Variants in SCUBE1 observed in about 807,000 individuals in gnomAD.
The protein encoded by SCUBE1 is signal peptide, CUB domain and EGF like domain containing 1, also known as signal peptide, CUB and EGF-like domain-containing protein 1.
Under a neutral mutation model 124.4 loss-of-function variants are expected in SCUBE1, and 59 were observed. The ratio of observed to expected loss-of-function variants is 0.47; its 90% CI spans 0.38 to 0.59. SCUBE1 has a LOEUF of 0.59. SCUBE1 is among the 20% of genes least tolerant of loss of function. The probability of loss-of-function intolerance (pLI) is 0.00; values close to 1 mark genes in which losing one functional copy is unlikely to be tolerated. For missense variants in SCUBE1, 1,150 were observed against 1,371.2 expected (o/e 0.84, Z 2.55); for synonymous variants, 545 against 550.9 (o/e 0.99, Z 0.15).
At chr22:43,263,519 G>A (rs939905356) in intron 4 of SCUBE1, among the ~76,000 whole-genome samples, 1 of 152,136 alleles carries the variant, frequency 6.6e-6, no homozygotes, top group Non-Finnish European at 1.5e-5. Flanking sequence ...CTCGGGGAGC[G>A]GCAGTGAAGG....
chr22:43,330,107 C>T (rs1381470456), intron 2 of SCUBE1, among the ~76,000 whole-genome samples: 1 of 151,820 alleles, frequency 6.6e-6, no homozygotes, highest in South Asian at 2.1e-4. Flanking sequence ...GCCTTCAACA[C>T]ATTCTCACAG....
chr22:43,244,671 C>T (rs922014913), intron 6 of SCUBE1, among the ~76,000 whole-genome samples: 6 of 152,174 alleles, frequency 3.9e-5, no homozygotes, highest in African/African-American at 7.2e-5. Flanking sequence ...TGCCAGCACA[C>T]GGGGGGACTG....
intron 4 of SCUBE1, among the ~76,000 whole-genome samples, chr22:43,266,203 C>T (rs1453042932): frequency 2.0e-5 from 3 of 152,292 alleles, no homozygotes; most frequent in South Asian, 2.1e-4. Flanking sequence ...CAGTCAGGCC[C>T]GCGCGAGCCA....
chr22:43,312,354 G>T (rs1926200213), intron 3 of SCUBE1, among the ~76,000 whole-genome samples: 1 of 152,188 alleles, frequency 6.6e-6, no homozygotes. Context: ...TTTGGTTGGG[G>T]CTTGAAGGAT....
intron 4 of SCUBE1, among the ~76,000 whole-genome samples, chr22:43,264,606 G>A (rs527848996): frequency 2.0e-5 from 3 of 152,324 alleles, no homozygotes; most frequent in East Asian, 1.9e-4. Flanking sequence ...CCATCTCCCT[G>A]ACCGTTACTG....
chr22:43,279,225 T>G (rs897845158), intron 4 of SCUBE1, among the ~76,000 whole-genome samples: 4 of 152,130 alleles, frequency 2.6e-5, no homozygotes, highest in African/African-American at 9.7e-5. Flanking sequence ...TCAGGTAACC[T>G]TTGTCAAGGA....
intron 1 of SCUBE1, among the ~76,000 whole-genome samples, chr22:43,342,088 C>T (rs1033866659): frequency 6.6e-6 from 1 of 152,058 alleles, no homozygotes; most frequent in Non-Finnish European, 1.5e-5. Context: ...ATAGACCCTA[C>T]GCCACCCATA....
intron 15 of SCUBE1, among the ~76,000 whole-genome samples, chr22:43,217,538 A>C (rs914318513): frequency 2.0e-5 from 3 of 152,052 alleles, no homozygotes; most frequent in African/African-American, 4.8e-5. Flanking sequence ...TTCCCGTAAG[A>C]GCGCGCATGA....
chr22:43,247,281 C>A (rs61357760), intron 6 of SCUBE1, among the ~76,000 whole-genome samples: 13,875 of 152,286 alleles, frequency 0.091, 657 homozygotes, highest in South Asian at 0.16. Flanking sequence ...TAGAAGCCAT[C>A]TCTGTAAATG....
intron 4 of SCUBE1, among the ~76,000 whole-genome samples, chr22:43,269,272 C>G (rs1239117571): frequency 6.6e-6 from 1 of 152,156 alleles, no homozygotes; most frequent in African/African-American, 2.4e-5. Flanking sequence ...CGGGGCCTAT[C>G]TTCCCCCAAG....
chr22:43,270,485 A>G (rs919115971), intron 4 of SCUBE1: 1 of 152,200 alleles, frequency 6.6e-6, no homozygotes, highest in African/African-American at 2.4e-5. Context: ...GGCCGTCTCC[A>G]ACGACAGCTT....
chr22:43,219,728 C>CTCAG (rs2146666722), intron 14 of SCUBE1, among the ~76,000 whole-genome samples: 1 of 152,052 alleles, frequency 6.6e-6, no homozygotes, highest in Non-Finnish European at 1.5e-5. Context: ...CCCACTTTGG[C>CTCAG]CCTCCCAGAC....
intron 2 of SCUBE1, among the ~76,000 whole-genome samples, chr22:43,337,245 G>A (rs1214028711): frequency 6.6e-6 from 1 of 152,174 alleles, no homozygotes; most frequent in African/African-American, 2.4e-5. Flanking sequence ...GTCAAGCAGA[G>A]TAAGGAGTTA....
intron 4 of SCUBE1, among the ~76,000 whole-genome samples, chr22:43,281,587 T>TCACAGCCACCCTCCTGTCACCTCCTC (rs1569011199): frequency 3.1e-5 from 2 of 64,870 alleles, no homozygotes; most frequent in Non-Finnish European, 5.9e-5. Context: ...TCACCTCCCT[T>TCACAGCCACCCTCCTGTCACCTCCTC]CTCAGCCACC....
chr22:43,223,119 C>A lies in SCUBE1; in HGVS notation c.1305G>T (p.Pro435=), dbSNP rs146662047. The A allele has an allele frequency of 1.3e-6, 2 of 1,549,226 alleles. No homozygotes were observed. The highest frequency in any genetic ancestry group is 1.7e-6 in the Non-Finnish European group (2 of 1,155,274). ...TACCTGGCACGAAGAGTGTGTGAGC[C>A]GGGCAGGAAAGGAAGCAGCTCTCCA... is the stretch of plus-strand genomic sequence containing the variant. ...GGVESCFLSC[P]AHTLFVPDSE... is the part of the protein sequence containing the mutation. Residue 435 remains proline, a synonymous_variant, in exon 11 of 22, where the codon CCG becomes CCT. Transcript: ENST00000360835.
At chr22:43,291,570 A>G (rs943993100) in intron 3 of SCUBE1, among the ~76,000 whole-genome samples, 1 of 151,866 alleles carries the variant, frequency 6.6e-6, no homozygotes, top group Non-Finnish European at 1.5e-5. Flanking sequence ...GTGGGCCCCC[A>G]TCGCGCTGCA....
Position 43,199,043 on chromosome 22 carries a change from GC to G in SCUBE1, c.*4953del. 2 of 310,366 alleles carry G rather than the reference GC, an allele frequency of 6.4e-6. No homozygotes were observed. Among genetic ancestry groups the G allele is most frequent in the Non-Finnish European group, 1.3e-5 (2 of 159,852 alleles). 19.2% of individuals were successfully genotyped at this position (310,366 alleles called of 1,614,324 possible). Reference sequence around the variant, plus strand: ...TCTGTTTGTCTCTCTGCTGTCCAGGGCAATGTGTCTGTTTGTCTGTCTGCTG... The same window carrying G: ...TCTGTTTGTCTCTCTGCTGTCCAGGGAATGTGTCTGTTTGTCTGTCTGCTG... On this transcript the variant is annotated 3_prime_UTR_variant, in exon 22 of 22. Transcript: ENST00000360835.
chr22:43,305,612 T>C lies in SCUBE1; in HGVS notation c.349+14325A>G, dbSNP rs1274918140. ...GGAGCACAGGGAGAAACAGAAAGGC[T>C]GGAGTGTCAGCAGGGCCAGCTGCCA... On this transcript the variant is annotated intron_variant, in intron 3 of 21. Coordinates refer to ENST00000360835, the MANE Select transcript of SCUBE1 (RefSeq NM_173050.5). 3.3e-5 allele frequency among the ~76,000 whole-genome samples: 5 copies of C among 152,128 alleles called. No homozygotes were observed. The East Asian group carries it at 9.6e-4, about 29-fold the overall frequency.
intron 6 of SCUBE1, among the ~76,000 whole-genome samples, chr22:43,240,053 G>A (rs1009913163): frequency 6.6e-6 from 1 of 152,120 alleles, no homozygotes; most frequent in African/African-American, 2.4e-5. Context: ...CCTTTCCTTT[G>A]AACTTCACCT....
Sources: allele counts gnomAD v4.1 joint callset (sites outside exome capture counted in the v4.1 genomes callset), GRCh38; gene constraint gnomAD v4.1.1; transcripts MANE v1.5; gene names NCBI Gene and HGNC (gene_info 2026-07-23, HGNC 2026-07-21).